The following NFIA variants were observed in gnomAD, a reference collection of about 807,000 sequenced individuals.
The protein encoded by NFIA is nuclear factor 1 A-type.
In NFIA, 8 loss-of-function variants were observed where a neutral mutation model predicts 62.8. The observed-to-expected ratio is 0.13, with a 90% CI of 0.07 to 0.23. The LOEUF (loss-of-function observed/expected upper bound fraction) is 0.23. Ranked by LOEUF, NFIA falls within the 10% of genes least tolerant of loss-of-function variation. The pLI is 1.00. For missense variants in NFIA, 410 were observed against 642.1 expected, an observed-to-expected ratio of 0.64 and a Z score of 3.91; for synonymous variants, 235 against 238.1, an observed-to-expected ratio of 0.99 and a Z score of 0.12.
chr1:61,204,095 T>C (rs570295517), intron 2 of NFIA, among the ~76,000 whole-genome samples: 1 of 152,202 alleles, frequency 6.6e-6, no homozygotes. Flanking sequence ...TGCCTAGCAG[T>C]TTATGAAATG....
chr1:61,332,460 C>A, intron 3 of NFIA, 52 bp from the exon 4 acceptor site: 3 of 1,518,246 alleles, frequency 2.0e-6, no homozygotes, highest in South Asian at 1.1e-5. Flanking sequence ...GCTCTGTTGT[C>A]AAATGTCTTG....
At chr1:61,111,484 A>G (rs997512721) in intron 2 of NFIA, among the ~76,000 whole-genome samples, 2 of 152,194 alleles carry the variant, frequency 1.3e-5, no homozygotes, top group African/African-American at 4.8e-5. Flanking sequence ...AGACGTTCAA[A>G]TGAAAGTAGC....
At chr1:61,371,556 A>G (rs947420492) in intron 6 of NFIA, among the ~76,000 whole-genome samples, 80 of 152,350 alleles carry the variant, frequency 5.3e-4, no homozygotes, top group African/African-American at 1.7e-3. Context: ...TTGCAGAGAT[A>G]TAATTTATTA....
At chr1:61,292,781 C>T (rs1460651223) in intron 3 of NFIA, among the ~76,000 whole-genome samples, 12 of 152,158 alleles carry the variant, frequency 7.9e-5, no homozygotes, top group Admixed American at 7.9e-4. Context: ...TTAGCTCAAA[C>T]CCCCCATTCC....
intron 2 of NFIA, among the ~76,000 whole-genome samples, chr1:61,091,220 ATCT>A (rs1646314743): frequency 6.6e-6 from 1 of 152,082 alleles, no homozygotes; most frequent in South Asian, 2.1e-4. Flanking sequence ...TAGAAATTAG[ATCT>A]TCTTTTCCTT....
In NFIA at chr1:61,456,950, A is replaced by G. The variant is rs1668336481; in HGVS notation, c.*1630A>G. 6.6e-6 allele frequency: 1 copy of G among 152,160 alleles called. No homozygotes were observed. 9.4% of individuals were successfully genotyped at this position (152,160 alleles called of 1,614,324 possible). ...GGTTTCCTATACTATACATATATAT[A>G]CGTTCTGGTTGGCAAGCCCTGCTGA... On this transcript the variant is annotated 3_prime_UTR_variant, in exon 11 of 11. Coordinates refer to ENST00000403491, the MANE Select transcript of NFIA (RefSeq NM_001134673.4).
intron 2 of NFIA, among the ~76,000 whole-genome samples, chr1:61,089,451 A>G (rs1646277880): frequency 1.3e-5 from 2 of 152,212 alleles, no homozygotes; most frequent in Admixed American, 6.5e-5. Context: ...CATGCAGGAT[A>G]AAACTATTGA....
chr1:61,195,903 T>A (rs923168643), intron 2 of NFIA, among the ~76,000 whole-genome samples: 36 of 152,200 alleles, frequency 2.4e-4, no homozygotes, highest in African/African-American at 8.4e-4. Flanking sequence ...TATAACCGTT[T>A]TAAATCAGTC....
intron 4 of NFIA, among the ~76,000 whole-genome samples, chr1:61,345,204 A>C (rs1264367687): frequency 6.6e-6 from 1 of 152,192 alleles, no homozygotes; most frequent in Non-Finnish European, 1.5e-5. Flanking sequence ...CAGATTCGTT[A>C]ATTACAATAC....
chr1:61,336,091 C>A (rs1249274165), intron 4 of NFIA, among the ~76,000 whole-genome samples: 1 of 152,086 alleles, frequency 6.6e-6, no homozygotes, highest in Non-Finnish European at 1.5e-5. Flanking sequence ...GCAACTTGCT[C>A]TTTTTCCTTT....
chr1:61,158,051 A>G (rs564319624), intron 2 of NFIA, among the ~76,000 whole-genome samples: 1 of 152,354 alleles, frequency 6.6e-6, no homozygotes, highest in Admixed American at 6.5e-5. Context: ...AAATACAAAG[A>G]GAATTAAAGG....
chr1:61,380,449 CA>C (rs1221870363), intron 6 of NFIA, among the ~76,000 whole-genome samples: 1 of 152,016 alleles, frequency 6.6e-6, no homozygotes, highest in Non-Finnish European at 1.5e-5. Context: ...AAATAATTGG[CA>C]AAAGAGATTT....
chr1:61,348,069 C>G (rs914499898), intron 4 of NFIA, among the ~76,000 whole-genome samples: 20 of 152,230 alleles, frequency 1.3e-4, no homozygotes, highest in Admixed American at 9.2e-4. Context: ...AAGCCCACCT[C>G]TTCAGTTCTT....
At chr1:61,245,858 C>T (rs1056660271) in intron 2 of NFIA, among the ~76,000 whole-genome samples, 9 of 152,206 alleles carry the variant, frequency 5.9e-5, no homozygotes, top group African/African-American at 1.9e-4. Context: ...TTAGAGCTCA[C>T]GGCAAGAGTC....
At chr1:61,241,956 G>T (rs1445953122) in intron 2 of NFIA, among the ~76,000 whole-genome samples, 4 of 152,154 alleles carry the variant, frequency 2.6e-5, no homozygotes, top group Non-Finnish European at 5.9e-5. Context: ...TTCTAAATGA[G>T]ATCGAAGAGC....
intron 7 of NFIA, among the ~76,000 whole-genome samples, chr1:61,394,147 C>G (rs899572314): frequency 1.3e-5 from 2 of 152,102 alleles, no homozygotes; most frequent in African/African-American, 2.4e-5. Context: ...CTCAGAAAAG[C>G]CTTTCAAATT....
At chr1:61,339,412 C>G (rs993189948) in intron 4 of NFIA, among the ~76,000 whole-genome samples, 3 of 152,056 alleles carry the variant, frequency 2.0e-5, no homozygotes, top group African/African-American at 7.2e-5. Context: ...TTTATTTTGC[C>G]TATCTGAACC....
chr1:61,293,109 A>G (rs531562362), intron 3 of NFIA, among the ~76,000 whole-genome samples: 9 of 152,028 alleles, frequency 5.9e-5, no homozygotes, highest in African/African-American at 2.2e-4. Context: ...ATTTTAAACA[A>G]CTCTGTTTTT....
intron 2 of NFIA, among the ~76,000 whole-genome samples, chr1:61,122,417 T>G (rs761387360): frequency 1.1e-4 from 16 of 152,192 alleles, no homozygotes; most frequent in Admixed American, 2.0e-4. Context: ...ATCCCAGAGT[T>G]TGCACGGTGT....
Sources: gnomAD v4.1 joint callset for allele counts (sites outside exome capture counted in the v4.1 genomes callset) on GRCh38, gnomAD v4.1.1 for gene constraint, MANE v1.5 for transcripts, NCBI Gene and HGNC (gene_info 2026-07-23, HGNC 2026-07-21) for gene names.